Variants in MOV10 observed in about 807,000 individuals in gnomAD.
MOV10 encodes Mov10 RNA helicase, also known as RNA helicase MOV-10.
MOV10 carries 39 observed loss-of-function variants against 108.4 expected under a neutral mutation model. That is an observed-to-expected ratio of 0.36 (90% CI 0.28 to 0.47). The LOEUF is 0.47. MOV10 is among the 20% of genes least tolerant of loss of function. MOV10 has a pLI of 1.00. For missense variants in MOV10, 952 were observed against 1,297.6 expected (o/e 0.73, Z 4.09); for synonymous variants, 490 against 523.1 (o/e 0.94, Z 0.86).
intron 14 of MOV10, among the ~76,000 whole-genome samples, chr1:112,697,498 C>G (rs1000397557): frequency 6.6e-6 from 1 of 152,028 alleles, no homozygotes; most frequent in Non-Finnish European, 1.5e-5. Flanking sequence ...AGGGAAGATA[C>G]AGTTTTTTCA....
chr1:112,674,856 G>A lies in MOV10; in HGVS notation c.-57G>A. 8 of 1,504,568 alleles carry A rather than the reference G, an allele frequency of 5.3e-6. No homozygotes were observed. Among genetic ancestry groups the A allele is most frequent in the South Asian group, 1.3e-5 (1 of 78,302 alleles). 93.2% of individuals were successfully genotyped at this position (1,504,568 alleles called of 1,614,324 possible). A position where few individuals can be genotyped will look rare whatever the true frequency, so the allele number is the denominator to read the frequency against. On this transcript the variant is annotated 5_prime_UTR_variant, in exon 2 of 21. Transcript: ENST00000369645. The stretch of plus-strand genomic sequence containing the variant: ...GGGCCGCCAACTTCCAGCTGCAGCG[G>A]CGACTTTCAGTTTCATTTCCACGGA...
chr1:112,675,014 G>T lies in MOV10; in HGVS notation c.102G>T (p.Arg34=). 1 of 1,585,630 alleles carries T rather than the reference G, an allele frequency of 6.3e-7. No homozygotes were observed. Among genetic ancestry groups the T allele is most frequent in the Non-Finnish European group, 8.6e-7 (1 of 1,166,912 alleles). The change falls in exon 2 of 21, where the codon CGG becomes CGT. Residue 34 remains arginine, a synonymous_variant. Coordinates refer to ENST00000369645, the MANE Select transcript of MOV10 (RefSeq NM_001321324.2). This position sits in a 1 kb window ranked among gnomAD's most constrained non-coding sequence, Gnocchi z 4.7. ...RGLDMETDRE[R]LRTIYNRDFK... Reference sequence around the variant, plus strand: ...TGGACATGGAGACAGATCGCGAGCGGCTGCGGACCATTTATAACCGCGACT... The same window carrying T: ...TGGACATGGAGACAGATCGCGAGCGTCTGCGGACCATTTATAACCGCGACT...
Position 112,675,227 on chromosome 1 carries a change from G to A in MOV10, c.137+178G>A, listed in dbSNP as rs1221835054. Among the ~76,000 whole-genome samples the A allele has an allele frequency of 2.0e-5, 3 of 151,906 alleles. No homozygotes were observed. The highest frequency in any genetic ancestry group is 2.9e-5 in the Non-Finnish European group (2 of 67,946). On this transcript the variant is annotated intron_variant, in intron 2 of 20. Transcript: ENST00000369645. The surrounding 1 kb of genome is among the most constrained non-coding windows in gnomAD (Gnocchi z 4.7). ...CGCGCCTCGCCCACGCCCCACCAGC[G>A]CCGCCCGGAGCCCGCCAGTTCTGCC...
At chr1:112,677,538 C>T (rs1672291160) in intron 2 of MOV10, among the ~76,000 whole-genome samples, 1 of 152,084 alleles carries the variant, frequency 6.6e-6, no homozygotes, top group Non-Finnish European at 1.5e-5. Context: ...GGTCACGTTA[C>T]ACTCTGCTTT....
chr1:112,693,687 TA>T (rs57738248), intron 7 of MOV10: 2 of 137,912 alleles, frequency 1.5e-5, no homozygotes, highest in Non-Finnish European at 3.1e-5. Context: ...TTTTTTTTTT[TA>T]ATTATTTTTT....
At chr1:112,699,130 A>G (rs1674384053) in intron 17 of MOV10, 2 of 285,730 alleles carry the variant, frequency 7.0e-6, no homozygotes, top group East Asian at 1.6e-4. Flanking sequence ...TTCTGGTCTC[A>G]ACACTGGCTG....
At chr1:112,696,355 C>A in intron 12 of MOV10, 82 bp from the exon 13 acceptor site, 1 of 1,433,070 alleles carries the variant, frequency 7.0e-7, no homozygotes, top group Non-Finnish European at 9.8e-7. Context: ...GTGGTGGGTG[C>A]TGAGAAGCCA....
chr1:112,678,882 C>T (rs1188204146), intron 2 of MOV10, among the ~76,000 whole-genome samples: 2 of 151,970 alleles, frequency 1.3e-5, no homozygotes, highest in African/African-American at 2.4e-5. Context: ...GGACCTCTAC[C>T]CACAGTAAAA....
At chr1:112,678,457 T>G (rs183171133) in intron 2 of MOV10, among the ~76,000 whole-genome samples, 1 of 152,250 alleles carries the variant, frequency 6.6e-6, no homozygotes, top group East Asian at 1.9e-4. Context: ...AGCAGTTAGA[T>G]AATTATTTAA....
chr1:112,674,804 C>T (rs1672048306), intron 1 of MOV10, 44 bp from the exon 2 acceptor site: 2 of 1,139,404 alleles, frequency 1.8e-6, no homozygotes, highest in South Asian at 1.6e-5. Flanking sequence ...AGTTAGGGGG[C>T]TTCCCTCCTG....
intron 10 of MOV10, 69 bp from the exon 11 acceptor site, chr1:112,695,347 C>G: frequency 6.5e-7 from 1 of 1,532,558 alleles, no homozygotes; most frequent in Non-Finnish European, 8.9e-7. Context: ...ATAGACTTGC[C>G]CTGCCCCAGC....
At chr1:112,678,890 A>AAAAACAC (rs2101250519) in intron 2 of MOV10, among the ~76,000 whole-genome samples, 1 of 152,196 alleles carries the variant, frequency 6.6e-6, no homozygotes, top group Non-Finnish European at 1.5e-5. Flanking sequence ...ACCCACAGTA[A>AAAAACAC]AAAACACATT....
intron 2 of MOV10, chr1:112,688,577 C>A (rs1048145172): frequency 8.6e-7 from 1 of 1,160,906 alleles, no homozygotes; most frequent in Non-Finnish European, 1.1e-6. Context: ...TTTGTATTTT[C>A]TTTTCTGTCC....
rs1673712902 is a variant in MOV10 at position 112,692,911 on chromosome 1, C to T, written c.1122C>T (p.Pro374=). 1 of 1,611,430 alleles carries T rather than the reference C, an allele frequency of 6.2e-7. No individual in the cohort carries two copies. Among genetic ancestry groups the T allele is most frequent in the Non-Finnish European group, 8.5e-7 (1 of 1,178,994 alleles). The change falls in exon 7 of 21, where the codon CCC becomes CCT. Residue 374 remains proline, a synonymous_variant. Coordinates refer to ENST00000369645, the MANE Select transcript of MOV10 (RefSeq NM_001321324.2). Reference sequence around the variant, plus strand: ...CCTGGGACCCTGTGGACCAGAACCCCAGGCTGCTCACGCTGGAGGTCAGGG... The same window carrying T: ...CCTGGGACCCTGTGGACCAGAACCCTAGGCTGCTCACGCTGGAGGTCAGGG... ...PMTWDPVDQN[P]RLLTLEVPGV... is the part of the protein sequence containing the mutation.
chr1:112,693,999 T>C lies in MOV10; in HGVS notation c.1141-19T>C, dbSNP rs780401985. ...GTCCATCCCTGGGACAGAAGCTTGC[T>C]TGTGTTCACACCCCATAGGTTCCTG... On this transcript the variant is annotated intron_variant, in intron 7 of 20. Transcript: ENST00000369645. 1.2e-6 allele frequency: 2 copies of C among 1,613,544 alleles called. No homozygotes were observed. Among genetic ancestry groups the C allele is most frequent in the East Asian group, 4.5e-5 (2 of 44,846 alleles).
chr1:112,694,732 C>G lies in MOV10; in HGVS notation c.1473-17C>G, dbSNP rs778690936. 6.2e-7 allele frequency: 1 copy of G among 1,612,786 alleles called. No individual in the cohort carries two copies. Among genetic ancestry groups the G allele is most frequent in the Non-Finnish European group, 8.5e-7 (1 of 1,179,138 alleles). The stretch of plus-strand genomic sequence containing the variant: ...CACTGGATGACTTCAAGTTCACATT[C>G]CTGGTCCCTCTGCCAGGCTGTACGA... On this transcript the variant is annotated splice_polypyrimidine_tract_variant and intron_variant, in intron 9 of 20. Transcript: ENST00000369645. The surrounding 1 kb of genome is among the most constrained non-coding windows in gnomAD (Gnocchi z 4.1).
At position 112,692,875 on chromosome 1, in the gene MOV10, G is replaced by A. The variant is rs141446785; in HGVS notation, c.1086G>A (p.Ser362=). 34 of 1,613,568 alleles carry A rather than the reference G, an allele frequency of 2.1e-5. No individual in the cohort carries two copies. The highest frequency in any genetic ancestry group is 1.3e-4 in the African/African-American group (10 of 75,038). ...EHDIRHYDLE[S]VPMTWDPVDQ... ...ATATCCGGCACTATGACCTGGAGTCGGTGCCCATGACCTGGGACCCTGTGG... is the reference window on the plus strand; with the variant it reads ...ATATCCGGCACTATGACCTGGAGTCAGTGCCCATGACCTGGGACCCTGTGG... The change falls in exon 7 of 21, where the codon TCG becomes TCA. Residue 362 remains serine (S), a synonymous_variant. Transcript: ENST00000369645.
At chr1:112,676,563 G>A (rs1416124002) in intron 2 of MOV10, among the ~76,000 whole-genome samples, 1 of 152,174 alleles carries the variant, frequency 6.6e-6, no homozygotes, top group Non-Finnish European at 1.5e-5. Flanking sequence ...AACAGCGGGG[G>A]ATTTATGACC....
intron 2 of MOV10, among the ~76,000 whole-genome samples, chr1:112,681,353 G>T (rs763980726): frequency 2.0e-5 from 3 of 152,030 alleles, no homozygotes; most frequent in Non-Finnish European, 2.9e-5. Context: ...AATTAGCTGG[G>T]CGTGGTGGCG....
Sources: allele counts gnomAD v4.1 joint callset (sites outside exome capture counted in the v4.1 genomes callset), GRCh38; gene constraint gnomAD v4.1.1; non-coding constraint Gnocchi (gnomAD v3.1); transcripts MANE v1.5; gene names NCBI Gene and HGNC (gene_info 2026-07-23, HGNC 2026-07-21).